RALGAPA2: variants seen among roughly 807,000 people sequenced by gnomAD.
The protein encoded by RALGAPA2 is ral GTPase-activating protein subunit alpha-2.
Under a neutral mutation model 230.4 loss-of-function variants are expected in RALGAPA2, and 139 were observed. The ratio of observed to expected loss-of-function variants is 0.60; its 90% CI spans 0.53 to 0.69. The LOEUF is 0.69. Among genes scored for constraint, RALGAPA2 ranks in the 30% least tolerant of loss-of-function variants. The probability of loss-of-function intolerance (pLI) is 0.00; values close to 1 mark genes in which losing one functional copy is unlikely to be tolerated. For missense variants in RALGAPA2, 2,163 were observed against 2,276.0 expected, an observed-to-expected ratio of 0.95 and a Z score of 1.01; for synonymous variants, 847 against 837.8, an observed-to-expected ratio of 1.01 and a Z score of -0.19.
Position 20,589,164 on chromosome 20 carries a change from G to GA in RALGAPA2, c.2439+103dup, listed in dbSNP as rs1291274556. 1.5e-5 allele frequency: 21 copies of GA among 1,404,648 alleles called. No individual in the cohort carries two copies. The African/African-American group carries it at 2.3e-4, about 16-fold the overall frequency. The allele number at this position is 1,404,648 out of a possible 1,614,324, so 87.0% of individuals were successfully genotyped here. Reference sequence around the variant, plus strand: ...TTTGGGCCTATAAACTGTCTAAATGGAAAAAAATATTTTAATTATCACTGC... The same window carrying GA: ...TTTGGGCCTATAAACTGTCTAAATGGAAAAAAAATATTTTAATTATCACTGC... On this transcript the variant is annotated intron_variant, in intron 18 of 39. Coordinates refer to ENST00000202677, the MANE Select transcript of RALGAPA2 (RefSeq NM_020343.4).
At position 20,643,492 on chromosome 20, in the gene RALGAPA2, A is replaced by G. The variant is rs1193203063; in HGVS notation, c.372+14T>C. 2.7e-6 allele frequency: 4 copies of G among 1,468,886 alleles called. No individual in the cohort carries two copies. Among genetic ancestry groups the G allele is most frequent in the Non-Finnish European group, 3.7e-6 (4 of 1,091,730 alleles). The allele number at this position is 1,468,886 out of a possible 1,614,324, so 91.0% of individuals were successfully genotyped here. A position where few individuals can be genotyped will look rare whatever the true frequency, so the allele number is the denominator to read the frequency against. Reference sequence around the variant, plus strand: ...AGAGTAATAAAAAATGTCATTACACAATAAAATAAATACCTTAATAGAATT... The same window carrying G: ...AGAGTAATAAAAAATGTCATTACACGATAAAATAAATACCTTAATAGAATT... On this transcript the variant is annotated intron_variant, in intron 5 of 39. Transcript: ENST00000202677.
At chr20:20,518,324 G>C (rs2062936720) in intron 31 of RALGAPA2, among the ~76,000 whole-genome samples, 2 of 152,160 alleles carry the variant, frequency 1.3e-5, no homozygotes, top group South Asian at 4.1e-4. Flanking sequence ...CAAAGTGCTG[G>C]GATTACAGGC....
At chr20:20,682,175 G>T (rs867667499) in intron 1 of RALGAPA2, among the ~76,000 whole-genome samples, 5 of 152,136 alleles carry the variant, frequency 3.3e-5, no homozygotes, top group Admixed American at 1.3e-4. Context: ...AAAGTCTTAT[G>T]AGCTGCCAAT....
intron 9 of RALGAPA2, among the ~76,000 whole-genome samples, chr20:20,634,651 A>G (rs1188545315): frequency 6.6e-6 from 1 of 152,194 alleles, no homozygotes; most frequent in Non-Finnish European, 1.5e-5. Flanking sequence ...CTTCTAGGGC[A>G]TCGGCAAATC....
chr20:20,594,678 C>T (rs766709199), intron 16 of RALGAPA2, among the ~76,000 whole-genome samples: 2 of 151,816 alleles, frequency 1.3e-5, no homozygotes, highest in Admixed American at 6.6e-5. Flanking sequence ...CTAACTTTCT[C>T]GTCTCTTGAC....
intron 23 of RALGAPA2, among the ~76,000 whole-genome samples, chr20:20,550,485 C>G (rs1184336392): frequency 6.6e-6 from 1 of 152,174 alleles, no homozygotes; most frequent in Non-Finnish European, 1.5e-5. Flanking sequence ...CTTCTCTCAA[C>G]TCCAGCTGGC....
intron 6 of RALGAPA2, among the ~76,000 whole-genome samples, 180 bp downstream of exon 6, chr20:20,640,521 T>C (rs931894236): frequency 6.6e-6 from 1 of 152,222 alleles, no homozygotes; most frequent in Non-Finnish European, 1.5e-5. Flanking sequence ...TCATTTCATA[T>C]AAAATAAGCT....
At chr20:20,486,732 A>G (rs1323189878) in intron 36 of RALGAPA2, among the ~76,000 whole-genome samples, 1 of 152,176 alleles carries the variant, frequency 6.6e-6, no homozygotes, top group African/African-American at 2.4e-5. Context: ...TGATTGTCAC[A>G]CAGGTCTTGG....
At chr20:20,539,721 G>A (rs1408627350) in intron 24 of RALGAPA2, among the ~76,000 whole-genome samples, 2 of 151,884 alleles carry the variant, frequency 1.3e-5, no homozygotes, top group East Asian at 1.9e-4. Flanking sequence ...TCATTCATTC[G>A]GCATAACTGA....
intron 4 of RALGAPA2, among the ~76,000 whole-genome samples, chr20:20,650,386 T>C (rs967360034): frequency 4.6e-5 from 7 of 152,206 alleles, no homozygotes; most frequent in African/African-American, 1.7e-4. Context: ...AAAATGTGGC[T>C]TTCGAGACTC....
chr20:20,439,149 C>A (rs1231013680), intron 37 of RALGAPA2, among the ~76,000 whole-genome samples: 2 of 152,164 alleles, frequency 1.3e-5, no homozygotes, highest in East Asian at 1.9e-4. Context: ...AGTGCCCTGA[C>A]TGCCATCTGA....
At chr20:20,498,210 A>G (rs981410216) in intron 35 of RALGAPA2, among the ~76,000 whole-genome samples, 2 of 152,150 alleles carry the variant, frequency 1.3e-5, no homozygotes, top group Non-Finnish European at 1.5e-5. Context: ...AGTCAAGTTG[A>G]TCTGGTTCCT....
rs905702209 is a variant in RALGAPA2 at position 20,595,953 on chromosome 20, C to CA, written c.2204-4640dup. Among the ~76,000 whole-genome samples the CA allele has an allele frequency of 7.7e-4, 114 of 147,940 alleles. 1 individual carries two copies. The highest frequency in any genetic ancestry group is 6.9e-3 in the Middle Eastern group (2 of 290). On this transcript the variant is annotated intron_variant, in intron 16 of 39. Transcript: ENST00000202677. ...TGAGGTACAAAGCAAGACTCTATCT[C>CA]AAAAAAAAACAAACAAAAAACAAAC... is the stretch of plus-strand genomic sequence containing the variant.
At chr20:20,402,524 G>A (rs998983707) in intron 38 of RALGAPA2, among the ~76,000 whole-genome samples, 7 of 152,188 alleles carry the variant, frequency 4.6e-5, no homozygotes, top group Admixed American at 1.3e-4. Context: ...TGAGCTCCAC[G>A]TTCTGCCTGT....
At chr20:20,474,352 T>C (rs1013624243) in intron 36 of RALGAPA2, among the ~76,000 whole-genome samples, 9 of 152,186 alleles carry the variant, frequency 5.9e-5, no homozygotes, top group Non-Finnish European at 2.9e-5. Context: ...GGGTGCTTTA[T>C]AGGAAGTTTT....
At chr20:20,475,419 T>C (rs2061628846) in intron 36 of RALGAPA2, among the ~76,000 whole-genome samples, 1 of 152,148 alleles carries the variant, frequency 6.6e-6, no homozygotes, top group Admixed American at 6.5e-5. Flanking sequence ...CATAAATCCA[T>C]CAGTGCAATT....
At chr20:20,500,641 T>C (rs1411825568) in intron 35 of RALGAPA2, among the ~76,000 whole-genome samples, 2 of 152,240 alleles carry the variant, frequency 1.3e-5, no homozygotes, top group African/African-American at 4.8e-5. Context: ...GGTGGGACTC[T>C]ATCCAAACTC....
chr20:20,416,034 C>G (rs946044208), intron 37 of RALGAPA2, among the ~76,000 whole-genome samples: 1 of 152,152 alleles, frequency 6.6e-6, no homozygotes, highest in African/African-American at 2.4e-5. Context: ...GTTGATGTCC[C>G]CATTTTACAT....
intron 37 of RALGAPA2, among the ~76,000 whole-genome samples, chr20:20,419,171 G>A (rs2060226370): frequency 6.6e-6 from 1 of 152,178 alleles, no homozygotes; most frequent in African/African-American, 2.4e-5. Flanking sequence ...TACCTGGGAG[G>A]TTCTGAAATA....
Sources: allele counts gnomAD v4.1 joint callset (sites outside exome capture counted in the v4.1 genomes callset), GRCh38; gene constraint gnomAD v4.1.1; transcripts MANE v1.5; gene names NCBI Gene and HGNC (gene_info 2026-07-23, HGNC 2026-07-21).